TXNDC11: variants seen among roughly 807,000 people sequenced by gnomAD.
TXNDC11 encodes thioredoxin domain-containing protein 11.
A neutral mutation model predicts 78.0 loss-of-function variants in TXNDC11; 68 were observed. That is an observed-to-expected ratio of 0.87 (90% CI 0.72 to 1.07). The LOEUF (loss-of-function observed/expected upper bound fraction) is 1.07, where lower values mean the gene tolerates loss of function less well. TXNDC11 is among the 50% of genes least tolerant of loss of function. The pLI, the probability that TXNDC11 is intolerant of heterozygous loss-of-function variation, is 0.00. For missense variants in TXNDC11, 1,389 were observed against 1,221.8 expected (o/e 1.14, Z -2.04); for synonymous variants, 571 against 495.2 (o/e 1.15, Z -2.03).
intron 5 of TXNDC11, among the ~76,000 whole-genome samples, chr16:11,717,356 T>C (rs935426572): frequency 2.8e-5 from 4 of 143,566 alleles, no homozygotes; most frequent in African/African-American, 1.0e-4. Context: ...GAGAATCCCT[T>C]GAACCTGGGC....
chr16:11,690,719 ATT>A (rs760956648), intron 8 of TXNDC11: 4 of 143,646 alleles, frequency 2.8e-5, no homozygotes, highest in African/African-American at 2.5e-5. Flanking sequence ...CGCCCGGCTA[ATT>A]TTTTTTTTTT....
chr16:11,709,372 C>T (rs1377320893), intron 5 of TXNDC11, among the ~76,000 whole-genome samples: 1 of 151,108 alleles, frequency 6.6e-6, no homozygotes, highest in South Asian at 2.1e-4. Context: ...CCTGCCTCAG[C>T]CTCCCGAGTA....
chr16:11,693,191 G>C (rs2050768886), intron 7 of TXNDC11, among the ~76,000 whole-genome samples: 1 of 152,140 alleles, frequency 6.6e-6, no homozygotes, highest in African/African-American at 2.4e-5. Flanking sequence ...TGGCAGCTCA[G>C]GGTAATGCAC....
intron 10 of TXNDC11, among the ~76,000 whole-genome samples, chr16:11,687,536 C>T (rs1356386521): frequency 1.3e-5 from 2 of 152,204 alleles, no homozygotes; most frequent in Non-Finnish European, 2.9e-5. Flanking sequence ...ACTGGCATTG[C>T]CTGGGGCAAC....
intron 10 of TXNDC11, among the ~76,000 whole-genome samples, chr16:11,686,812 G>A (rs189875419): frequency 6.6e-6 from 1 of 152,304 alleles, no homozygotes; most frequent in East Asian, 1.9e-4. Context: ...TTTCCGGGGA[G>A]GCTGGAGTAT....
At chr16:11,699,821 C>T (rs893113030) in intron 6 of TXNDC11, among the ~76,000 whole-genome samples, 3 of 152,218 alleles carry the variant, frequency 2.0e-5, no homozygotes, top group Non-Finnish European at 2.9e-5. Flanking sequence ...TCAGGAAAGT[C>T]AACTCAGTGA....
rs754764940 is a variant in TXNDC11, at chr16:11,700,445, T to C, written c.906+7A>G. 7.3e-7 allele frequency: 1 copy of C among 1,362,822 alleles called. No individual in the cohort carries two copies. Among genetic ancestry groups the C allele is most frequent in the Admixed American group, 1.8e-5 (1 of 55,372 alleles). 84.4% of individuals were successfully genotyped at this position (1,362,822 alleles called of 1,614,324 possible). On this transcript the variant is annotated splice_region_variant and intron_variant, in intron 6 of 11. Coordinates refer to ENST00000283033, the MANE Select transcript of TXNDC11 (RefSeq NM_015914.7). ...CGCTAACATAAACGTGATTTCAAAA[T>C]ACTTACAAGTGATGTGTTGAAATGT...
chr16:11,719,880 C>T (rs115900994), intron 5 of TXNDC11, among the ~76,000 whole-genome samples: 1,561 of 152,176 alleles, frequency 0.01, 26 homozygotes, highest in African/African-American at 0.036. Context: ...ATTGTGGAAG[C>T]GATATTTGGG....
intron 8 of TXNDC11, 54 bp from the exon 9 acceptor site, chr16:11,688,499 C>G (rs1223364651): frequency 7.0e-7 from 1 of 1,435,406 alleles, no homozygotes; most frequent in East Asian, 2.3e-5. Flanking sequence ...AAGAGAATAG[C>G]TGGCCTACTT....
Position 11,679,869 on chromosome 16 carries a change from G to T in TXNDC11, c.2235-32C>A. 6.3e-7 allele frequency: 1 copy of T among 1,581,384 alleles called. No homozygotes were observed. Among genetic ancestry groups the T allele is most frequent in the Non-Finnish European group, 8.6e-7 (1 of 1,159,416 alleles). Reference sequence around the variant, plus strand: ...AGAGAGGGAAAGGAAGCAAAGACAGGAGTCACACCAACACAATGAGTCCAA... The same window carrying T: ...AGAGAGGGAAAGGAAGCAAAGACAGTAGTCACACCAACACAATGAGTCCAA... On this transcript the variant is annotated intron_variant, in intron 11 of 11. Coordinates refer to ENST00000283033, the MANE Select transcript of TXNDC11 (RefSeq NM_015914.7). This position sits in a 1 kb window ranked among gnomAD's most constrained non-coding sequence, Gnocchi z 4.6.
At chr16:11,718,485 G>GT (rs1436204200) in intron 5 of TXNDC11, among the ~76,000 whole-genome samples, 7 of 151,872 alleles carry the variant, frequency 4.6e-5, no homozygotes, top group Non-Finnish European at 7.4e-5. Context: ...ATTTGAAACT[G>GT]TATCTTTTTT....
chr16:11,733,405 T>C (rs2052113524), intron 3 of TXNDC11, among the ~76,000 whole-genome samples: 1 of 152,060 alleles, frequency 6.6e-6, no homozygotes, highest in Admixed American at 6.6e-5. Flanking sequence ...TGGGTGCCTG[T>C]AGTCCCAACT....
chr16:11,710,102 C>T (rs2051304957), intron 5 of TXNDC11, among the ~76,000 whole-genome samples: 1 of 152,130 alleles, frequency 6.6e-6, no homozygotes, highest in South Asian at 2.1e-4. Flanking sequence ...AAGATCACAC[C>T]ACTGCACTCT....
At chr16:11,705,514 C>A (rs2051156454) in intron 5 of TXNDC11, among the ~76,000 whole-genome samples, 1 of 152,034 alleles carries the variant, frequency 6.6e-6, no homozygotes, top group African/African-American at 2.4e-5. Flanking sequence ...GGAAAAGCAG[C>A]CAGTAAGGAA....
At chr16:11,736,254 A>G in intron 1 of TXNDC11, 21 bp from the exon 2 acceptor site, 1 of 1,542,806 alleles carries the variant, frequency 6.5e-7, no homozygotes, top group Admixed American at 1.9e-5. Context: ...GCAAACACAG[A>G]AAAGATTGCT....
At position 11,691,957 on chromosome 16, in the gene TXNDC11, C is replaced by T. The variant is rs759717380; in HGVS notation, c.1233G>A (p.Gln411=). Residue 411 remains glutamine, a synonymous_variant, in exon 8 of 12, where the codon CAG becomes CAA. Coordinates refer to ENST00000283033, the MANE Select transcript of TXNDC11 (RefSeq NM_015914.7). ...LESLALEVPA[Q]LPDPPTITAS... ...CTGTGATCGTTGGCGGGTCTGGCAG[C>T]TGTGCCGGCACTTCCAGGGCCAGGG... The T allele has an allele frequency of 5.0e-6, 8 of 1,610,210 alleles. No individual in the cohort carries two copies. The highest frequency in any genetic ancestry group is 6.8e-6 in the Non-Finnish European group (8 of 1,177,260).
intron 8 of TXNDC11, among the ~76,000 whole-genome samples, chr16:11,689,612 A>C (rs1050108925): frequency 1.3e-5 from 2 of 152,236 alleles, no homozygotes; most frequent in African/African-American, 4.8e-5. Context: ...GATACAGAAG[A>C]TGGAAAGAAA....
At chr16:11,689,119 C>CA (rs2050642886) in intron 8 of TXNDC11, among the ~76,000 whole-genome samples, 1 of 146,948 alleles carries the variant, frequency 6.8e-6, no homozygotes, top group Non-Finnish European at 1.5e-5. Context: ...GACAGGGTCT[C>CA]ACTCTGTTGC....
intron 5 of TXNDC11, among the ~76,000 whole-genome samples, chr16:11,704,815 C>A (rs1175565953): frequency 6.6e-6 from 1 of 152,086 alleles, no homozygotes; most frequent in African/African-American, 2.4e-5. Context: ...CAGACTGGAT[C>A]CTGAAACAAA....
Sources: allele counts gnomAD v4.1 joint callset (sites outside exome capture counted in the v4.1 genomes callset), GRCh38; gene constraint gnomAD v4.1.1; non-coding constraint Gnocchi (gnomAD v3.1); transcripts MANE v1.5; gene names NCBI Gene and HGNC (gene_info 2026-07-23, HGNC 2026-07-21).